FYCO1: variants seen among roughly 807,000 people sequenced by gnomAD.
FYCO1 encodes the protein FYVE and coiled-coil domain autophagy adaptor 1.
A neutral mutation model predicts 165.1 loss-of-function variants in FYCO1; 122 were observed. The ratio of observed to expected loss-of-function variants is 0.74; its 90% CI spans 0.64 to 0.86. FYCO1 has a LOEUF of 0.86. FYCO1 is among the 40% of genes least tolerant of loss of function. The probability of loss-of-function intolerance (pLI) is 0.00; values close to 1 mark genes in which losing one functional copy is unlikely to be tolerated. For synonymous variants in FYCO1, 648 were observed against 742.5 expected (o/e 0.87, Z 2.07); for missense variants, 1,702 against 1,810.3 (o/e 0.94, Z 1.09).
chr3:45,945,892 C>A (rs1465900514), intron 14 of FYCO1: 1 of 152,492 alleles, frequency 6.6e-6, no homozygotes, highest in Non-Finnish European at 1.5e-5. Context: ...GACTACCTAC[C>A]CAGGCAGAGC....
chr3:45,925,118 C>G (rs991765061), intron 16 of FYCO1, among the ~76,000 whole-genome samples: 8 of 151,802 alleles, frequency 5.3e-5, no homozygotes, highest in African/African-American at 1.9e-4. Flanking sequence ...TTAATAGAGA[C>G]AGAGTTTCAT....
At chr3:45,934,484 A>C (rs1028942275) in intron 15 of FYCO1, among the ~76,000 whole-genome samples, 2 of 152,384 alleles carry the variant, frequency 1.3e-5, no homozygotes, top group South Asian at 4.1e-4. Context: ...GGGAAGTAGC[A>C]GCACACATAT....
intron 14 of FYCO1, chr3:45,946,619 G>T: frequency 6.2e-7 from 1 of 1,614,202 alleles, no homozygotes; most frequent in Non-Finnish European, 8.5e-7. Flanking sequence ...TCTGTGGTCT[G>T]GTGGGGAACT....
intron 17 of FYCO1, among the ~76,000 whole-genome samples, chr3:45,922,575 A>G (rs1411733622): frequency 6.6e-6 from 1 of 152,122 alleles, no homozygotes; most frequent in Non-Finnish European, 1.5e-5. Flanking sequence ...GGTGGCTCCA[A>G]AGAGAGCTCT....
In FYCO1 at chr3:45,979,117, C is replaced by T. The variant is rs577660018; in HGVS notation, c.288+588G>A. ...CCTCGTGATCTGCCCGCCTCGGCCT[C>T]CCAAAGTGCTGGGATTACAGGCGTG... is the stretch of plus-strand genomic sequence containing the variant. On this transcript the variant is annotated intron_variant, in intron 4 of 17. Transcript: ENST00000296137. Among the ~76,000 whole-genome samples the T allele has an allele frequency of 5.2e-4, 79 of 152,220 alleles. 1 individual carries two copies. The highest frequency in any genetic ancestry group is 3.4e-3 in the Middle Eastern group (1 of 294).
chr3:45,962,370 C>T lies in FYCO1; in HGVS notation c.3292G>A (p.Ala1098Thr), dbSNP rs747684269. ...LERTQKELEK[A>T]TTKIQEYYNK... ...TAATACTCTTGGATTTTTGTTGTGG[C>T]TTTTTCGAGTTCCTTCTGGGTCCTG... is the stretch of plus-strand genomic sequence containing the variant. Residue 1098 changes from alanine to threonine, a missense_variant, in exon 11 of 18, where the codon GCC becomes ACC. Physicochemically the swap from Ala to Thr is moderately conservative, Grantham distance 58 (BLOSUM62 0). Coordinates refer to ENST00000296137, the MANE Select transcript of FYCO1 (RefSeq NM_024513.4). This position sits in a 1 kb window ranked among gnomAD's most constrained non-coding sequence, Gnocchi z 4.4. The T allele has an allele frequency of 3.8e-5, 61 of 1,614,152 alleles. No individual in the cohort carries two copies. The Middle Eastern group carries it at 8.2e-4, about 22-fold the overall frequency.
chr3:45,938,630 A>C (rs979030265), intron 14 of FYCO1, among the ~76,000 whole-genome samples: 1 of 152,186 alleles, frequency 6.6e-6, no homozygotes, highest in Non-Finnish European at 1.5e-5. Context: ...AATAGCTGGG[A>C]TTACAGGCAC....
chr3:45,935,300 C>T (rs1559443050), intron 15 of FYCO1, among the ~76,000 whole-genome samples: 1 of 152,184 alleles, frequency 6.6e-6, no homozygotes, highest in Non-Finnish European at 1.5e-5. Flanking sequence ...CAGAACAATC[C>T]TTTTTCAACT....
At chr3:45,948,844 C>CT (rs1704809573) in intron 14 of FYCO1, among the ~76,000 whole-genome samples, 1 of 152,186 alleles carries the variant, frequency 6.6e-6, no homozygotes, top group South Asian at 2.1e-4. Context: ...CTCTTAGCCT[C>CT]TGAGCACCTG....
Position 45,964,195 on chromosome 3 carries a change from C to A in FYCO1, c.3269+141G>T. 1.3e-6 allele frequency: 1 copy of A among 755,464 alleles called. No individual in the cohort carries two copies. Among genetic ancestry groups the A allele is most frequent in the Non-Finnish European group, 2.4e-6 (1 of 422,488 alleles). The allele number at this position is 755,464 out of a possible 1,614,324, so 46.8% of individuals were successfully genotyped here. A position where few individuals can be genotyped will look rare whatever the true frequency, so the allele number is the denominator to read the frequency against. ...CAGGTTCTCTGTGGCATGCTTCCAGCAGAAGCACTTTCTGAGTTTGTGGCT... is the reference window on the plus strand; with the variant it reads ...CAGGTTCTCTGTGGCATGCTTCCAGAAGAAGCACTTTCTGAGTTTGTGGCT... On this transcript the variant is annotated intron_variant, in intron 10 of 17. Coordinates refer to ENST00000296137, the MANE Select transcript of FYCO1 (RefSeq NM_024513.4). The surrounding 1 kb of genome is among the most constrained non-coding windows in gnomAD (Gnocchi z 4.1).
At chr3:45,986,897 A>G (rs1045925998) in intron 1 of FYCO1, among the ~76,000 whole-genome samples, 5 of 152,194 alleles carry the variant, frequency 3.3e-5, no homozygotes, top group Non-Finnish European at 5.9e-5. Flanking sequence ...TGTCTGCTAC[A>G]TGCAGGCTGG....
Position 45,979,539 on chromosome 3 carries a change from C to T in FYCO1, c.288+166G>A, listed in dbSNP as rs376222193. Among the ~76,000 whole-genome samples the T allele has an allele frequency of 3.3e-5, 5 of 152,208 alleles. No individual in the cohort carries two copies. The East Asian group carries it at 5.8e-4, about 18-fold the overall frequency. On this transcript the variant is annotated intron_variant, in intron 4 of 17. Transcript: ENST00000296137. Reference sequence around the variant, plus strand: ...CACTCACTGAAGTGGTTTCCCCAACCTTGAGCCACTGCAACAATGGGCATT... The same window carrying T: ...CACTCACTGAAGTGGTTTCCCCAACTTTGAGCCACTGCAACAATGGGCATT...
chr3:45,934,292 G>C (rs537873276), intron 15 of FYCO1, among the ~76,000 whole-genome samples: 1 of 152,326 alleles, frequency 6.6e-6, no homozygotes, highest in East Asian at 1.9e-4. Flanking sequence ...TTTAAGAGCT[G>C]AGTGTACCCC....
At position 45,968,451 on chromosome 3, in the gene FYCO1, C is replaced by G; in HGVS notation, c.883G>C (p.Val295Leu). 2.5e-6 allele frequency: 4 copies of G among 1,614,016 alleles called. No homozygotes were observed. Among genetic ancestry groups the G allele is most frequent in the Non-Finnish European group, 3.4e-6 (4 of 1,180,042 alleles). ...TCCCACTGCTTCTGGAGCTCAGCTA[C>G]CAAGCAAGTGAGGCGAACGTTGTCC... ...AEDNVRLTCL[V>L]AELQKQWEVT... is the part of the protein sequence containing the mutation. The change falls in exon 8 of 18, where the codon GTA (valine) becomes CTA (leucine). Residue 295 changes from valine (V) to leucine (L), a missense_variant. Coordinates refer to ENST00000296137, the MANE Select transcript of FYCO1 (RefSeq NM_024513.4).
Position 45,946,813 on chromosome 3 carries a change from T to C in FYCO1, c.3944+8436A>G. 2 of 1,614,218 alleles carry C rather than the reference T, an allele frequency of 1.2e-6. No homozygotes were observed. The highest frequency in any genetic ancestry group is 1.7e-6 in the Non-Finnish European group (2 of 1,180,036). On this transcript the variant is annotated intron_variant, in intron 14 of 17. Coordinates refer to ENST00000296137, the MANE Select transcript of FYCO1 (RefSeq NM_024513.4). The stretch of plus-strand genomic sequence containing the variant: ...AAGAGCCTACTGGGCATCTACACTA[T>C]TAACTTCTACACGTCCATGCTCATC...
At chr3:45,956,863 C>A (rs1301849878) in intron 13 of FYCO1, among the ~76,000 whole-genome samples, 1 of 152,120 alleles carries the variant, frequency 6.6e-6, no homozygotes, top group Non-Finnish European at 1.5e-5. Context: ...TTAAATATCA[C>A]CAGGATTTTT....
chr3:45,954,828 G>C (rs1202405165), intron 14 of FYCO1, among the ~76,000 whole-genome samples: 2 of 152,206 alleles, frequency 1.3e-5, no homozygotes, highest in Non-Finnish European at 2.9e-5. Flanking sequence ...CAGCAAGGGG[G>C]CAGATATCTG....
chr3:45,977,680 G>A (rs975223364), intron 4 of FYCO1, among the ~76,000 whole-genome samples: 13 of 151,876 alleles, frequency 8.6e-5, no homozygotes, highest in East Asian at 5.8e-4. Context: ...GCCCGATGCC[G>A]AGCTACACCC....
At chr3:45,981,300 G>C (rs189397553) in intron 3 of FYCO1, among the ~76,000 whole-genome samples, 29 of 152,328 alleles carry the variant, frequency 1.9e-4, no homozygotes, top group Non-Finnish European at 3.5e-4. Context: ...TTGCCATACA[G>C]TAACCTTCTG....
Sources: gnomAD v4.1 joint callset for allele counts (sites outside exome capture counted in the v4.1 genomes callset) on GRCh38, gnomAD v4.1.1 for gene constraint, Gnocchi (gnomAD v3.1) non-coding constraint, MANE v1.5 for transcripts, NCBI Gene and HGNC (gene_info 2026-07-23, HGNC 2026-07-21) for gene names.